HSD17B4: variants seen among roughly 807,000 people sequenced by gnomAD.
HSD17B4 encodes the protein hydroxysteroid 17-beta dehydrogenase 4, also known as peroxisomal multifunctional enzyme type 2.
A neutral mutation model predicts 101.0 loss-of-function variants in HSD17B4; 70 were observed. The ratio of observed to expected loss-of-function variants is 0.69; its 90% CI spans 0.57 to 0.85. The LOEUF is 0.85. HSD17B4 is among the 40% of genes least tolerant of loss of function. The pLI, the probability that HSD17B4 is intolerant of heterozygous loss-of-function variation, is 0.00. For synonymous variants in HSD17B4, 347 were observed against 297.1 expected (o/e 1.17, Z -1.73); for missense variants, 984 against 892.4 (o/e 1.10, Z -1.31).
At position 119,496,467 on chromosome 5, in the gene HSD17B4, T is replaced by C. The variant is rs1750656516; in HGVS notation, c.869-76T>C. The C allele has an allele frequency of 1.5e-5, 12 of 822,542 alleles. No homozygotes were observed. The East Asian group carries it at 2.7e-4, about 18-fold the overall frequency. 51.0% of individuals were successfully genotyped at this position (822,542 alleles called of 1,614,324 possible). On this transcript the variant is annotated intron_variant, in intron 11 of 23. Transcript: ENST00000510025. ...TTGCTGAATGTTATAGGAATAATTA[T>C]GTAGCATATTGTAGCTTTTCTTAGT...
chr5:119,475,778 A>C, intron 5 of HSD17B4, 46 bp from the exon 6 acceptor site: 1 of 1,583,932 alleles, frequency 6.3e-7, no homozygotes, highest in Non-Finnish European at 8.7e-7. Context: ...TTTTTTAAAA[A>C]GTATATACTT....
intron 23 of HSD17B4, among the ~76,000 whole-genome samples, chr5:119,539,922 C>CAA (rs35193622): frequency 0.25 from 26,795 of 105,394 alleles, 4,370 homozygotes; most frequent in African/African-American, 0.43. Context: ...CTGTCTCTAC[C>CAA]AAAAAAAAAA....
intron 2 of HSD17B4, among the ~76,000 whole-genome samples, chr5:119,467,360 A>G (rs1029800057): frequency 1.3e-5 from 2 of 152,174 alleles, no homozygotes; most frequent in Non-Finnish European, 2.9e-5. Flanking sequence ...TTCTTTCTGG[A>G]TGATCTGCCC....
At chr5:119,477,326 AT>A in intron 6 of HSD17B4, 90 bp from the exon 7 acceptor site, 1 of 893,462 alleles carries the variant, frequency 1.1e-6, no homozygotes, top group East Asian at 2.7e-5. Flanking sequence ...TAAAATGAAC[AT>A]CTTTGTATAA....
chr5:119,501,690 A>C (rs1751178809), intron 13 of HSD17B4, among the ~76,000 whole-genome samples: 1 of 152,142 alleles, frequency 6.6e-6, no homozygotes, highest in Admixed American at 6.6e-5. Context: ...TATTCAATGA[A>C]TATTTATTGG....
intron 16 of HSD17B4, among the ~76,000 whole-genome samples, chr5:119,512,251 T>C (rs996640195): frequency 6.6e-6 from 1 of 152,074 alleles, no homozygotes; most frequent in African/African-American, 2.4e-5. Context: ...AACATTCATA[T>C]AATGGGTGTA....
chr5:119,493,710 C>A, intron 10 of HSD17B4, 108 bp from the exon 11 acceptor site: 2 of 1,077,470 alleles, frequency 1.9e-6, no homozygotes, highest in East Asian at 2.6e-5. Flanking sequence ...GTTAGAATCC[C>A]TTTTTTTCTG....
intron 8 of HSD17B4, among the ~76,000 whole-genome samples, chr5:119,483,696 C>T (rs1002047297): frequency 6.6e-6 from 1 of 152,158 alleles, no homozygotes; most frequent in Non-Finnish European, 1.5e-5. Flanking sequence ...ACCCATCGTT[C>T]AGCTTCAGCA....
rs375327755 is a variant in HSD17B4, at chr5:119,527,118, A to G, written c.1681-15A>G. On this transcript the variant is annotated splice_polypyrimidine_tract_variant and intron_variant, in intron 19 of 23. Coordinates refer to ENST00000510025, the MANE Select transcript of HSD17B4 (RefSeq NM_000414.4). Reference sequence around the variant, plus strand: ...CCTTTTAAAACATTTTTAACCCCACAATTCTTTTTTAAAGGCTCGTTTTGC... The same window carrying G: ...CCTTTTAAAACATTTTTAACCCCACGATTCTTTTTTAAAGGCTCGTTTTGC... The G allele has an allele frequency of 5.3e-6, 8 of 1,507,504 alleles. No homozygotes were observed. The highest frequency in any genetic ancestry group is 7.4e-6 in the Non-Finnish European group (8 of 1,083,556). The allele number at this position is 1,507,504 out of a possible 1,614,324, so 93.4% of individuals were successfully genotyped here.
chr5:119,465,504 C>T (rs922964379), intron 2 of HSD17B4, among the ~76,000 whole-genome samples: 2 of 152,170 alleles, frequency 1.3e-5, no homozygotes, highest in African/African-American at 4.8e-5. Flanking sequence ...TCTTGAGGGC[C>T]TTACGAGGAG....
intron 18 of HSD17B4, 68 bp downstream of exon 18, chr5:119,525,353 G>T: frequency 1.1e-6 from 1 of 950,224 alleles, no homozygotes; most frequent in Non-Finnish European, 1.7e-6. Context: ...ATAATGTAAA[G>T]ACACTACTAC....
chr5:119,493,743 GAAAGGGTTCTTATGCATCTT>G, intron 10 of HSD17B4, 55 bp from the exon 11 acceptor site: 3 of 1,339,852 alleles, frequency 2.2e-6, no homozygotes, highest in South Asian at 2.4e-5. Flanking sequence ...CTTTAAAAAT[GAAAGGGTTCTTATGCATCTT>G]ACTTTCTGTC....
Position 119,474,016 on chromosome 5 carries a change from G to A in HSD17B4, c.220+1G>A, listed in dbSNP as rs1468665136. The A allele has an allele frequency of 6.7e-7, 1 of 1,489,566 alleles. No homozygotes were observed. Among genetic ancestry groups the A allele is most frequent in the Non-Finnish European group, 9.4e-7 (1 of 1,067,882 alleles). The allele number at this position is 1,489,566 out of a possible 1,614,324, so 92.3% of individuals were successfully genotyped here. ...GGTGGAAAAGCAGTGGCCAACTATGGTATGGTATTTGAGAGAACTATACTA... is the reference window on the plus strand; with the variant it reads ...GGTGGAAAAGCAGTGGCCAACTATGATATGGTATTTGAGAGAACTATACTA... On this transcript the variant is annotated splice_donor_variant, in intron 3 of 23. Transcript: ENST00000510025. LOFTEE classifies it high-confidence loss of function.
intron 2 of HSD17B4, among the ~76,000 whole-genome samples, chr5:119,459,040 C>A (rs1224405725): frequency 1.3e-5 from 2 of 152,226 alleles, no homozygotes; most frequent in Non-Finnish European, 2.9e-5. Flanking sequence ...AATTGAATTA[C>A]AATCTTTTTA....
rs976752498 is a variant in HSD17B4 at position 119,542,165 on chromosome 5, A to G, written c.*171A>G. On this transcript the variant is annotated 3_prime_UTR_variant, in exon 24 of 24. Transcript: ENST00000510025. ...ATTTTCTACTAATTTTTCATGTATC[A>G]TTATTTTTACAAGGAACTATATATA... is the stretch of plus-strand genomic sequence containing the variant. 4 of 603,730 alleles carry G rather than the reference A, an allele frequency of 6.6e-6. No individual in the cohort carries two copies. Among genetic ancestry groups the G allele is most frequent in the African/African-American group, 5.6e-5 (3 of 53,664 alleles). 37.4% of individuals were successfully genotyped at this position (603,730 alleles called of 1,614,324 possible).
chr5:119,483,135 A>G (rs1472419401), intron 8 of HSD17B4, among the ~76,000 whole-genome samples: 3 of 152,124 alleles, frequency 2.0e-5, no homozygotes, highest in Non-Finnish European at 4.4e-5. Context: ...GTGATGGGAA[A>G]TTCTGGAGGT....
intron 17 of HSD17B4, among the ~76,000 whole-genome samples, chr5:119,519,033 G>C (rs1012020816): frequency 6.6e-6 from 1 of 152,174 alleles, no homozygotes; most frequent in African/African-American, 2.4e-5. Context: ...CAGCTACTCA[G>C]GAGGCTGAGG....
In HSD17B4 at chr5:119,474,030, A is replaced by G; in HGVS notation, c.220+15A>G. ...GGCCAACTATGGTATGGTATTTGAG[A>G]GAACTATACTATTTATTTTCCTTCA... On this transcript the variant is annotated intron_variant, in intron 3 of 23. Coordinates refer to ENST00000510025, the MANE Select transcript of HSD17B4 (RefSeq NM_000414.4). 3 of 1,286,510 alleles carry G rather than the reference A, an allele frequency of 2.3e-6. No individual in the cohort carries two copies. The highest frequency in any genetic ancestry group is 2.3e-6 in the Non-Finnish European group (2 of 884,790). 79.7% of individuals were successfully genotyped at this position (1,286,510 alleles called of 1,614,324 possible). A position where few individuals can be genotyped will look rare whatever the true frequency, so the allele number is the denominator to read the frequency against.
intron 15 of HSD17B4, among the ~76,000 whole-genome samples, chr5:119,507,865 A>G (rs1019153397): frequency 6.6e-6 from 1 of 152,060 alleles, no homozygotes; most frequent in African/African-American, 2.4e-5. Flanking sequence ...TGTAAGTTTT[A>G]AAGTTTAAGA....
Sources: gnomAD v4.1 joint callset for allele counts (sites outside exome capture counted in the v4.1 genomes callset) on GRCh38, gnomAD v4.1.1 for gene constraint, MANE v1.5 for transcripts, NCBI Gene and HGNC (gene_info 2026-07-23, HGNC 2026-07-21) for gene names.